Variants in MERTK observed in about 807,000 individuals in gnomAD.
MERTK encodes MER proto-oncogene, tyrosine kinase.
In MERTK, 69 loss-of-function variants were observed where a neutral mutation model predicts 99.3. That is an observed-to-expected ratio of 0.70 (90% CI 0.57 to 0.85). MERTK has a LOEUF of 0.85. MERTK is among the 40% of genes least tolerant of loss of function. The pLI, the probability that MERTK is intolerant of heterozygous loss-of-function variation, is 0.00. For missense variants in MERTK, 1,125 were observed against 1,249.4 expected (o/e 0.90, Z 1.50); for synonymous variants, 426 against 467.6 (o/e 0.91, Z 1.15).
intron 11 of MERTK, 118 bp from the exon 12 acceptor site, chr2:112,002,974 A>G: frequency 1.9e-6 from 1 of 536,294 alleles, no homozygotes; most frequent in Non-Finnish European, 3.5e-6. Flanking sequence ...CTCTGGCTCA[A>G]TAAATAAATA....
intron 2 of MERTK, among the ~76,000 whole-genome samples, chr2:111,931,503 T>C (rs762203821): frequency 1.1e-4 from 16 of 152,040 alleles, no homozygotes; most frequent in Non-Finnish European, 1.8e-4. Context: ...CTGGCCAACG[T>C]AGTGAAACCC....
chr2:112,014,021 ATTTT>A (rs1279471792), intron 15 of MERTK, among the ~76,000 whole-genome samples: 4 of 126,856 alleles, frequency 3.2e-5, no homozygotes, highest in Non-Finnish European at 1.7e-5. Flanking sequence ...TGCCTGGCTT[ATTTT>A]TTTTTTTTTT....
intron 16 of MERTK, 108 bp downstream of exon 16, chr2:112,019,630 C>A: frequency 1.2e-6 from 1 of 854,508 alleles, no homozygotes; most frequent in South Asian, 1.4e-5. Context: ...AAGCTGCAGT[C>A]AGCGGGGGAT....
chr2:111,977,908 A>G (rs1225605017), intron 7 of MERTK, among the ~76,000 whole-genome samples: 1 of 151,806 alleles, frequency 6.6e-6, no homozygotes, highest in Non-Finnish European at 1.5e-5. Context: ...TATGTCTCTA[A>G]GTTTTGGACC....
intron 18 of MERTK, chr2:112,026,300 A>G (rs1677459135): frequency 6.6e-6 from 1 of 152,322 alleles, no homozygotes; most frequent in Non-Finnish European, 1.5e-5. Context: ...AGTGATATTG[A>G]TACTATTCTA....
chr2:111,912,313 G>A (rs188290726), intron 1 of MERTK, among the ~76,000 whole-genome samples: 1 of 152,146 alleles, frequency 6.6e-6, no homozygotes, highest in African/African-American at 2.4e-5. Flanking sequence ...GGCCCCAGTT[G>A]CCTCTTAATG....
intron 15 of MERTK, among the ~76,000 whole-genome samples, chr2:112,017,917 C>A (rs1354977102): frequency 6.6e-6 from 1 of 152,122 alleles, no homozygotes; most frequent in African/African-American, 2.4e-5. Flanking sequence ...AAACCCAACT[C>A]AAAATGACTT....
intron 1 of MERTK, among the ~76,000 whole-genome samples, chr2:111,914,536 C>T (rs746092185): frequency 4.0e-4 from 61 of 152,294 alleles, no homozygotes; most frequent in Admixed American, 7.2e-4. Flanking sequence ...GCCTTGGCCT[C>T]CCAAAGTGCT....
intron 1 of MERTK, among the ~76,000 whole-genome samples, chr2:111,901,888 G>GT (rs1684050932): frequency 6.6e-6 from 1 of 151,414 alleles, no homozygotes; most frequent in South Asian, 2.1e-4. Flanking sequence ...CAATAATTAT[G>GT]TTTTTTTGTT....
At chr2:112,017,080 G>C (rs892032500) in intron 15 of MERTK, among the ~76,000 whole-genome samples, 3 of 152,356 alleles carry the variant, frequency 2.0e-5, no homozygotes, top group Non-Finnish European at 4.4e-5. Context: ...GGTTGCCACT[G>C]CTGGCTGGGG....
chr2:111,913,459 A>G (rs1684288851), intron 1 of MERTK, among the ~76,000 whole-genome samples: 1 of 152,246 alleles, frequency 6.6e-6, no homozygotes, highest in Admixed American at 6.5e-5. Flanking sequence ...ATGTAGAAAT[A>G]CAATAATTTG....
At chr2:111,997,554 G>C (rs1157109797) in intron 10 of MERTK, 78 bp downstream of exon 10, 1 of 1,534,344 alleles carries the variant, frequency 6.5e-7, no homozygotes, top group Non-Finnish European at 8.9e-7. Flanking sequence ...CTTTCCTGTT[G>C]GGCCAGCTGC....
At chr2:111,941,407 G>T (rs72823502) in intron 2 of MERTK, among the ~76,000 whole-genome samples, 1 of 152,122 alleles carries the variant, frequency 6.6e-6, no homozygotes, top group African/African-American at 2.4e-5. Context: ...CTGCCCAGCC[G>T]GGGGCCCGGT....
intron 8 of MERTK, among the ~76,000 whole-genome samples, chr2:111,989,654 C>T (rs1045942299): frequency 4.6e-5 from 7 of 152,252 alleles, no homozygotes; most frequent in South Asian, 2.1e-4. Context: ...CACTCCTGGA[C>T]GGGTTGTGAA....
intron 10 of MERTK, among the ~76,000 whole-genome samples, chr2:111,999,823 T>G (rs1676830561): frequency 6.6e-6 from 1 of 152,190 alleles, no homozygotes; most frequent in Non-Finnish European, 1.5e-5. Flanking sequence ...GATGGTGGAA[T>G]TATCATTAGT....
Position 111,929,302 on chromosome 2 carries a change from C to T in MERTK, c.244C>T (p.Gln82Ter). 1 of 1,614,230 alleles carries T rather than the reference C, an allele frequency of 6.2e-7. No individual in the cohort carries two copies. Among genetic ancestry groups the T allele is most frequent in the African/African-American group, 1.3e-5 (1 of 75,064 alleles). Reference sequence around the variant, plus strand: ...ACATACAGGAAACGTAGCCATTCCCCAGGTGACCTCTGTCGAATCAAAGCC... The same window carrying T: ...ACATACAGGAAACGTAGCCATTCCCTAGGTGACCTCTGTCGAATCAAAGCC... ...RPHTGNVAIP[Q>*]VTSVESKPLP... Residue 82 changes from glutamine to a stop codon, truncating the protein, a stop_gained, in exon 2 of 19, where the codon CAG becomes TAG. Transcript: ENST00000295408. LOFTEE classifies it high-confidence loss of function.
chr2:112,007,160 T>A (rs961751365), intron 13 of MERTK, among the ~76,000 whole-genome samples: 5 of 152,228 alleles, frequency 3.3e-5, no homozygotes, highest in African/African-American at 1.2e-4. Context: ...ACTTTTCTTT[T>A]CTTTTTTTCT....
chr2:111,928,539 G>T (rs1005774784), intron 1 of MERTK, among the ~76,000 whole-genome samples: 1 of 152,168 alleles, frequency 6.6e-6, no homozygotes. Flanking sequence ...AGGCTGGAGT[G>T]CTGTGGTGCT....
chr2:112,023,915 GC>G (rs542944320), intron 18 of MERTK, among the ~76,000 whole-genome samples: 1 of 151,918 alleles, frequency 6.6e-6, no homozygotes, highest in Non-Finnish European at 1.5e-5. Context: ...ACACACACAC[GC>G]CCTGCTGCCT....
Sources: gnomAD v4.1 joint callset for allele counts (sites outside exome capture counted in the v4.1 genomes callset) on GRCh38, gnomAD v4.1.1 for gene constraint, MANE v1.5 for transcripts, NCBI Gene and HGNC (gene_info 2026-07-23, HGNC 2026-07-21) for gene names.